Variants in DMD observed in about 807,000 individuals in gnomAD.
The protein encoded by DMD is dystrophin.
Under a neutral mutation model 330.1 loss-of-function variants are expected in DMD, and 63 were observed. That is an observed-to-expected ratio of 0.19 (90% CI 0.16 to 0.24). DMD has a LOEUF of 0.24. DMD is among the 10% of genes least tolerant of loss of function. The pLI is 1.00. For synonymous variants in DMD, 1,223 were observed against 959.8 expected, an observed-to-expected ratio of 1.27 and a Z score of -5.07; for missense variants, 3,344 against 2,684.1, an observed-to-expected ratio of 1.25 and a Z score of -5.43.
intron 59 of DMD, among the ~76,000 whole-genome samples, chrX:31,455,483 G>A (rs1361888513): frequency 8.9e-6 from 1 of 111,768 alleles, no homozygotes; most frequent in Non-Finnish European, 1.9e-5. Context: ...AGAGAATTAG[G>A]CACTTCTGTA....
intron 38 of DMD, among the ~76,000 whole-genome samples, chrX:32,347,182 A>G (rs900724846): frequency 1.8e-5 from 2 of 111,766 alleles, no homozygotes; most frequent in African/African-American, 3.2e-5. Flanking sequence ...GACACATTAT[A>G]TACTTATCAT....
chrX:31,422,074 A>C (rs2063476085), intron 60 of DMD, among the ~76,000 whole-genome samples: 1 of 100,201 alleles, frequency 1.0e-5, no homozygotes. Context: ...TTTGAGACAG[A>C]GTCTTACTCT....
chrX:31,178,221 T>C (rs934478874), intron 70 of DMD: 11 of 753,966 alleles, frequency 1.5e-5, no homozygotes, highest in Non-Finnish European at 1.4e-5. Context: ...GAATCATTAC[T>C]ACTTACTGTG....
chrX:33,295,940 A>G (rs1238843624), intron 1 of DMD, among the ~76,000 whole-genome samples: 1 of 111,765 alleles, frequency 8.9e-6, no homozygotes, highest in African/African-American at 3.2e-5. Context: ...ATGGGGGATG[A>G]GCTAATATGT....
chrX:31,885,766 T>C (rs1203509553), intron 47 of DMD, among the ~76,000 whole-genome samples: 2 of 110,962 alleles, frequency 1.8e-5, no homozygotes, highest in African/African-American at 6.5e-5. Flanking sequence ...AGAAGTCAAC[T>C]TCAATAAGAA....
At chrX:31,243,297 A>G (rs1049462402) in intron 63 of DMD, among the ~76,000 whole-genome samples, 5 of 112,187 alleles carry the variant, frequency 4.5e-5, no homozygotes, top group African/African-American at 1.3e-4. Context: ...AAAAATGTGA[A>G]GAAACAGGAG....
At chrX:32,135,365 A>G (rs2096719611) in intron 44 of DMD, among the ~76,000 whole-genome samples, 1 of 112,727 alleles carries the variant, frequency 8.9e-6, no homozygotes, top group Non-Finnish European at 1.9e-5. Context: ...TGGAAGAATA[A>G]ATGATTTTCA....
At chrX:32,836,325 C>A (rs1049793060) in intron 4 of DMD, among the ~76,000 whole-genome samples, 9 of 110,811 alleles carry the variant, frequency 8.1e-5, no homozygotes, top group Non-Finnish European at 1.3e-4. Context: ...AGCCACCACG[C>A]TCGGCCTCAA....
At chrX:32,828,151 A>G (rs1190163728) in intron 4 of DMD, among the ~76,000 whole-genome samples, 2 of 111,391 alleles carry the variant, frequency 1.8e-5, no homozygotes, top group African/African-American at 6.5e-5. Context: ...TTGATTCCCC[A>G]TCTTTGCTAC....
At chrX:31,223,011 T>C (rs543512556) in intron 64 of DMD, 36 bp downstream of exon 64, 13 of 1,149,448 alleles carry the variant, frequency 1.1e-5, no homozygotes, top group Non-Finnish European at 1.5e-5. Context: ...AGCAAAGACA[T>C]AGTATCAAGA....
chrX:31,393,476 C>CA (rs371796978), intron 60 of DMD, among the ~76,000 whole-genome samples: 1,402 of 27,128 alleles, frequency 0.052, 21 homozygotes, highest in Admixed American at 0.1. Flanking sequence ...GACTCCATCT[C>CA]AAAAAAAAAA....
In DMD at chrX:31,507,437, A is replaced by G. The variant is rs367735348; in HGVS notation, c.8234T>C (p.Ile2745Thr). 17 of 1,205,471 alleles carry G rather than the reference A, an allele frequency of 1.4e-5. No homozygotes were observed. Among genetic ancestry groups the G allele is most frequent in the African/African-American group, 8.7e-5 (5 of 57,231 alleles). ...MKQWQDLQGE[I>T]EAHTDVYHNL... ...GTGATAAACATCTGTGTGAGCTTCA[A>G]TTTCACCTTGGAGGTCCTACAGGAC... is the stretch of plus-strand genomic sequence containing the variant. The change falls in exon 56 of 79, where the codon ATT becomes ACT. Residue 2745 changes from isoleucine (I) to threonine (T), a missense_variant. Coordinates refer to ENST00000357033, the MANE Select transcript of DMD (RefSeq NM_004006.3).
At chrX:32,344,345 G>A (rs941914837) in intron 39 of DMD, among the ~76,000 whole-genome samples, 4 of 111,697 alleles carry the variant, frequency 3.6e-5, no homozygotes, top group African/African-American at 1.3e-4. Context: ...CTATTTGACA[G>A]GTTTAAAAAG....
intron 21 of DMD, among the ~76,000 whole-genome samples, chrX:32,476,530 A>G (rs1186569152): frequency 1.8e-5 from 2 of 111,627 alleles, no homozygotes; most frequent in Non-Finnish European, 3.8e-5. Flanking sequence ...ACTAACATAA[A>G]TATCACAATT....
At chrX:32,788,161 A>G (rs1217040829) in intron 7 of DMD, among the ~76,000 whole-genome samples, 1 of 111,905 alleles carries the variant, frequency 8.9e-6, no homozygotes, top group Non-Finnish European at 1.9e-5. Context: ...GCCTAGGAAA[A>G]TGAACATAGA....
chrX:31,425,194 C>T (rs1274180207), intron 60 of DMD, among the ~76,000 whole-genome samples: 1 of 111,985 alleles, frequency 8.9e-6, no homozygotes, highest in Admixed American at 9.5e-5. Flanking sequence ...GGACAGCTTG[C>T]AATTCCATAT....
chrX:32,053,401 A>T (rs1243934773), intron 44 of DMD, among the ~76,000 whole-genome samples: 1 of 111,099 alleles, frequency 9.0e-6, no homozygotes, highest in Non-Finnish European at 1.9e-5. Context: ...AGTTTACTAG[A>T]TCAACACAGA....
chrX:32,976,671 C>G (rs759350914), intron 2 of DMD, among the ~76,000 whole-genome samples: 2 of 111,710 alleles, frequency 1.8e-5, no homozygotes, highest in East Asian at 5.7e-4. Flanking sequence ...CACCTGCATA[C>G]GTCAGCATTT....
intron 63 of DMD, among the ~76,000 whole-genome samples, chrX:31,245,805 C>T (rs188038833): frequency 1.8e-5 from 2 of 111,447 alleles, no homozygotes; most frequent in African/African-American, 3.3e-5. Flanking sequence ...ACTGCTCCAC[C>T]GACCAGCTGT....
Sources: allele counts gnomAD v4.1 joint callset (sites outside exome capture counted in the v4.1 genomes callset), GRCh38; gene constraint gnomAD v4.1.1; transcripts MANE v1.5; gene names NCBI Gene and HGNC (gene_info 2026-07-23, HGNC 2026-07-21).